FHAD1: variants seen among roughly 807,000 people sequenced by gnomAD.
FHAD1 encodes forkhead associated phosphopeptide binding domain 1, also known as forkhead-associated domain-containing protein 1.
FHAD1 carries 146 observed loss-of-function variants against 191.3 expected under a neutral mutation model. The ratio of observed to expected loss-of-function variants is 0.76; its 90% CI spans 0.67 to 0.88. The LOEUF (loss-of-function observed/expected upper bound fraction) is 0.88, where lower values mean the gene tolerates loss of function less well. Among genes scored for constraint, FHAD1 ranks in the 40% least tolerant of loss-of-function variants. The probability of loss-of-function intolerance (pLI) is 0.00; values close to 1 mark genes in which losing one functional copy is unlikely to be tolerated. For synonymous variants in FHAD1, 616 were observed against 672.3 expected, an observed-to-expected ratio of 0.92 and a Z score of 1.29; for missense variants, 1,635 against 1,785.8, an observed-to-expected ratio of 0.92 and a Z score of 1.52.
At chr1:15,238,499 C>A (rs1043907316) in intron 1 of FHAD1, among the ~76,000 whole-genome samples, 4 of 152,144 alleles carry the variant, frequency 2.6e-5, no homozygotes, top group Non-Finnish European at 4.4e-5. Context: ...TAAACAGACA[C>A]AAGGGAGGGC....
chr1:15,293,494 C>G (rs515511), intron 4 of FHAD1, among the ~76,000 whole-genome samples: 2 of 151,974 alleles, frequency 1.3e-5, no homozygotes, highest in East Asian at 3.9e-4. Flanking sequence ...CCAAGGAGGG[C>G]GAATCACAAG....
rs150090978 is a variant in FHAD1, at chr1:15,339,918, C to T, written c.1977+367C>T. Among the ~76,000 whole-genome samples, 767 of 152,232 alleles carry T rather than the reference C, an allele frequency of 5.0e-3. 7 individuals are homozygous for T. The highest frequency in any genetic ancestry group is 0.017 in the African/African-American group (721 of 41,524). On this transcript the variant is annotated intron_variant, in intron 15 of 33. Coordinates refer to ENST00000688493, the MANE Select transcript of FHAD1 (RefSeq NM_001391957.1). ...TCGGCTCATTGCAACCTCTGCCTCC[C>T]GGGTTCAAGTGATTCTCCTGCTTCA...
At chr1:15,293,533 C>T (rs1162911561) in intron 4 of FHAD1, among the ~76,000 whole-genome samples, 21 of 152,090 alleles carry the variant, frequency 1.4e-4, no homozygotes, top group Non-Finnish European at 2.4e-4. Flanking sequence ...GCCTGACTAA[C>T]ATGGTGAAAC....
chr1:15,280,840 G>T (rs1268202088), intron 3 of FHAD1, among the ~76,000 whole-genome samples: 1 of 152,204 alleles, frequency 6.6e-6, no homozygotes, highest in Non-Finnish European at 1.5e-5. Context: ...TAAAGGAAAA[G>T]GAAAACTTTA....
chr1:15,353,732 GA>G (rs60543047), intron 20 of FHAD1, among the ~76,000 whole-genome samples: 5,205 of 116,594 alleles, frequency 0.045, 298 homozygotes, highest in African/African-American at 0.15. Flanking sequence ...AAAAAGAAAA[GA>G]AAAAAAAAAA....
In FHAD1 at chr1:15,359,863, T is replaced by G. The variant is rs552083049; in HGVS notation, c.2737-615T>G. Among the ~76,000 whole-genome samples the G allele has an allele frequency of 1.3e-4, 20 of 151,950 alleles. 1 individual carries two copies. In the South Asian group the frequency reaches 3.9e-3, roughly 30 times the overall value. On this transcript the variant is annotated intron_variant, in intron 21 of 33. Coordinates refer to ENST00000688493, the MANE Select transcript of FHAD1 (RefSeq NM_001391957.1). Reference sequence around the variant, plus strand: ...TACTCAGGAGGCTGAGGCAGGAGAATAGTGTGAACCCGGGAGGCGGAGCTT... The same window carrying G: ...TACTCAGGAGGCTGAGGCAGGAGAAGAGTGTGAACCCGGGAGGCGGAGCTT...
downstream of FHAD1, among the ~76,000 whole-genome samples, chr1:15,399,377 G>C (rs1706903809): frequency 6.6e-6 from 1 of 151,954 alleles, no homozygotes; most frequent in Non-Finnish European, 1.5e-5. Flanking sequence ...GATCAGCCTG[G>C]ACAACACAGT....
chr1:15,329,518 T>A lies in FHAD1; in HGVS notation c.1883T>A (p.Ile628Asn). 1 of 1,550,900 alleles carries A rather than the reference T, an allele frequency of 6.4e-7. No individual in the cohort carries two copies. Among genetic ancestry groups the A allele is most frequent in the African/African-American group, 1.4e-5 (1 of 73,130 alleles). ...EVEQLLRDLG[I>N]LPSSPNKGFS... ...GAGCAGCTCCTCCGGGACCTCGGGA[T>A]CCTGCCCTCCAGCCCCAACAAAGGT... The change falls in exon 14 of 34, where the codon ATC (isoleucine) becomes AAC (asparagine). Residue 628 changes from isoleucine to asparagine, a missense_variant. Ile to Asn is a moderately radical substitution (Grantham distance 149). Coordinates refer to ENST00000688493, the MANE Select transcript of FHAD1 (RefSeq NM_001391957.1). The surrounding 1 kb of genome is among the most constrained non-coding windows in gnomAD (Gnocchi z 5.0).
intron 3 of FHAD1, among the ~76,000 whole-genome samples, chr1:15,279,554 CAAAAAAAA>C (rs57662759): frequency 2.1e-5 from 2 of 96,904 alleles, no homozygotes; most frequent in Non-Finnish European, 4.1e-5. Flanking sequence ...CCTTAAAACT[CAAAAAAAA>C]AAAAAAAAAA....
At chr1:15,336,026 C>T (rs1374098812) in intron 14 of FHAD1, among the ~76,000 whole-genome samples, 1 of 152,144 alleles carries the variant, frequency 6.6e-6, no homozygotes, top group Admixed American at 6.5e-5. Flanking sequence ...AATGTCAGCC[C>T]GGCCATCTCA....
intron 3 of FHAD1, among the ~76,000 whole-genome samples, chr1:15,285,058 G>A (rs772413719): frequency 2.6e-5 from 4 of 152,200 alleles, no homozygotes; most frequent in Non-Finnish European, 4.4e-5. Flanking sequence ...GCTCAGCCAG[G>A]AGCCAGTTTT....
intron 6 of FHAD1, among the ~76,000 whole-genome samples, chr1:15,304,073 T>C (rs556307613): frequency 6.6e-6 from 1 of 152,368 alleles, no homozygotes; most frequent in East Asian, 1.9e-4. Context: ...ACAAGCCACA[T>C]GGCAGGTTGA....
chr1:15,362,074 TTTGAGA>T (rs1388050251), intron 22 of FHAD1, among the ~76,000 whole-genome samples: 1 of 149,974 alleles, frequency 6.7e-6, no homozygotes, highest in African/African-American at 2.5e-5. Context: ...AGGGAGGGTG[TTTGAGA>T]TTGAGCTGGG....
chr1:15,310,475 C>T (rs936489142), intron 7 of FHAD1, among the ~76,000 whole-genome samples: 5 of 152,200 alleles, frequency 3.3e-5, no homozygotes, highest in East Asian at 3.9e-4. Flanking sequence ...ACCCCATCCA[C>T]GCTACAAGCC....
Position 15,329,234 on chromosome 1 carries a change from C to G in FHAD1, c.1711-112C>G. The G allele has an allele frequency of 1.2e-6, 1 of 858,230 alleles. No homozygotes were observed. Among genetic ancestry groups the G allele is most frequent in the South Asian group, 2.6e-5 (1 of 39,142 alleles). 53.2% of individuals were successfully genotyped at this position (858,230 alleles called of 1,614,324 possible). ...CTGAGTCCTCCCAAGGCGGCCAATA[C>G]GTGGCGCTGCCTGCTTCGTGGCAGA... On this transcript the variant is annotated intron_variant, in intron 13 of 33. Transcript: ENST00000688493. This position sits in a 1 kb window ranked among gnomAD's most constrained non-coding sequence, Gnocchi z 5.0.
intron 4 of FHAD1, among the ~76,000 whole-genome samples, chr1:15,293,590 C>T (rs1001119899): frequency 5.9e-5 from 9 of 152,078 alleles, no homozygotes; most frequent in East Asian, 1.9e-4. Context: ...TGGTGGCACG[C>T]ACCTGTAATC....
chr1:15,362,604 G>A (rs1210947175), intron 22 of FHAD1, 38 bp from the exon 23 acceptor site: 3 of 1,501,136 alleles, frequency 2.0e-6, no homozygotes, highest in Admixed American at 2.0e-5. Flanking sequence ...GGGAAGGACA[G>A]TTTCCTCTCA....
chr1:15,236,664 C>CT (rs1644820590), exon 1 of FHAD1, among the ~76,000 whole-genome samples: 1 of 152,202 alleles, frequency 6.6e-6, no homozygotes, highest in Admixed American at 6.5e-5. Context: ...GAGATTCTGT[C>CT]TGAGGTTGGA....
chr1:15,343,302 C>T (rs988001055), intron 16 of FHAD1, among the ~76,000 whole-genome samples: 1 of 152,166 alleles, frequency 6.6e-6, no homozygotes, highest in Non-Finnish European at 1.5e-5. Flanking sequence ...GCCACGGTTG[C>T]GAGCCACTGT....
Sources: gnomAD v4.1 joint callset for allele counts (sites outside exome capture counted in the v4.1 genomes callset) on GRCh38, gnomAD v4.1.1 for gene constraint, Gnocchi (gnomAD v3.1) non-coding constraint, MANE v1.5 for transcripts, NCBI Gene and HGNC (gene_info 2026-07-23, HGNC 2026-07-21) for gene names.